CYP27A1: variants seen among roughly 807,000 people sequenced by gnomAD.
CYP27A1 encodes sterol 26-hydroxylase, mitochondrial.
CYP27A1 carries 46 observed loss-of-function variants against 58.2 expected under a neutral mutation model. That is an observed-to-expected ratio of 0.79 (90% CI 0.62 to 1.01). The LOEUF (loss-of-function observed/expected upper bound fraction) is 1.01, where lower values mean the gene tolerates loss of function less well. CYP27A1 is among the 50% of genes least tolerant of loss of function. The pLI, the probability that CYP27A1 is intolerant of heterozygous loss-of-function variation, is 0.00. For synonymous variants in CYP27A1, 274 were observed against 285.1 expected, an observed-to-expected ratio of 0.96 and a Z score of 0.39; for missense variants, 704 against 687.0, an observed-to-expected ratio of 1.02 and a Z score of -0.28.
intron 1 of CYP27A1, among the ~76,000 whole-genome samples, chr2:218,799,292 C>T (rs1943577316): frequency 6.6e-6 from 1 of 152,134 alleles, no homozygotes; most frequent in Non-Finnish European, 1.5e-5. Flanking sequence ...CTTATCAGAC[C>T]TTGCTGTGAT....
At position 218,812,321 on chromosome 2, in the gene CYP27A1, TG is replaced by T. The variant is rs1339553782; in HGVS notation, c.547del (p.Asp183MetfsTer4). On this transcript the variant is annotated frameshift_variant, in exon 3 of 9. Transcript: ENST00000258415. LOFTEE classifies it high-confidence loss of function. ...LYTDAFNEVI[D>X]DFMTRLDQLR... ...ATACGGATGCTTTCAATGAGGTGAT[TG>T]ATGACTTTATGACTCGACTGGACCA... 1 of 1,614,094 alleles carries T rather than the reference TG, an allele frequency of 6.2e-7. No homozygotes were observed. The highest frequency in any genetic ancestry group is 1.3e-5 in the African/African-American group (1 of 74,920).
At chr2:218,801,505 C>CAA (rs11412507) in intron 1 of CYP27A1, among the ~76,000 whole-genome samples, 5 of 150,652 alleles carry the variant, frequency 3.3e-5, no homozygotes, top group Admixed American at 1.3e-4. Flanking sequence ...GACTCCATCT[C>CAA]AAAAAAAACC....
intron 1 of CYP27A1, among the ~76,000 whole-genome samples, chr2:218,804,385 G>T (rs1008838778): frequency 2.0e-5 from 3 of 152,140 alleles, no homozygotes; most frequent in Admixed American, 6.6e-5. Context: ...ATTCTCAGTT[G>T]TATTCCATTG....
chr2:218,813,932 C>T lies in CYP27A1; in HGVS notation c.1018-89C>T, dbSNP rs902272972. 2.5e-5 allele frequency: 36 copies of T among 1,441,254 alleles called. No individual in the cohort carries two copies. The African/African-American group carries it at 4.8e-4, about 19-fold the overall frequency. 89.3% of individuals were successfully genotyped at this position (1,441,254 alleles called of 1,614,324 possible). ...GCTAGTGGCAAATTCATTTCTCCCA[C>T]ATTTTGCATACACCCACTCATACAC... On this transcript the variant is annotated intron_variant, in intron 5 of 8. Transcript: ENST00000258415.
chr2:218,791,131 C>A (rs1327009533), intron 1 of CYP27A1, among the ~76,000 whole-genome samples: 1 of 152,168 alleles, frequency 6.6e-6, no homozygotes, highest in Non-Finnish European at 1.5e-5. Flanking sequence ...CCACTGTACC[C>A]AGCTGAGGGA....
At chr2:218,793,093 TG>T (rs1943511713) in intron 1 of CYP27A1, among the ~76,000 whole-genome samples, 1 of 152,238 alleles carries the variant, frequency 6.6e-6, no homozygotes, top group African/African-American at 2.4e-5. Flanking sequence ...GTTTGTTTTT[TG>T]AGACAAAGTC....
chr2:218,782,369 C>A lies in CYP27A1; in HGVS notation c.187C>A (p.Leu63Ile), dbSNP rs768798214. Reference protein sequence around the residue: ...RQRSLEEIPRLGQLRFFFQLF... With the variant: ...RQRSLEEIPRIGQLRFFFQLF... ...ACGGAGCTTAGAGGAGATTCCACGT[C>A]TAGGACAGCTGCGCTTCTTCTTTCA... is the stretch of plus-strand genomic sequence containing the variant. The change falls in exon 1 of 9, where the codon CTA (leucine) becomes ATA (isoleucine). Residue 63 changes from leucine to isoleucine, a missense_variant. By Grantham distance (5) the Leu-to-Ile change is conservative. Transcript: ENST00000258415. The surrounding 1 kb of genome is among the most constrained non-coding windows in gnomAD (Gnocchi z 4.1). The A allele has an allele frequency of 6.2e-7, 1 of 1,614,212 alleles. No homozygotes were observed. Among genetic ancestry groups the A allele is most frequent in the South Asian group, 1.1e-5 (1 of 91,086 alleles).
chr2:218,798,808 G>A (rs182088469), intron 1 of CYP27A1, among the ~76,000 whole-genome samples: 145 of 152,264 alleles, frequency 9.5e-4, no homozygotes, highest in Non-Finnish European at 1.4e-3. Context: ...GCTTGAACCC[G>A]GGAGGCGGAA....
In CYP27A1 at chr2:218,798,645, G is replaced by A. The variant is rs193016577; in HGVS notation, c.256-10932G>A. On this transcript the variant is annotated intron_variant, in intron 1 of 8. Transcript: ENST00000258415. The stretch of plus-strand genomic sequence containing the variant: ...TGCCTGTAATCCCAGCACTTTGGGA[G>A]GCTGAGGCGGATGGATCACTTGAGT... Among the ~76,000 whole-genome samples, 4 of 152,322 alleles carry A rather than the reference G, an allele frequency of 2.6e-5. No individual in the cohort carries two copies. The East Asian group carries it at 7.7e-4, about 29-fold the overall frequency.
intron 1 of CYP27A1, among the ~76,000 whole-genome samples, chr2:218,800,384 G>C (rs1033625768): frequency 2.0e-5 from 3 of 152,062 alleles, no homozygotes; most frequent in Non-Finnish European, 4.4e-5. Context: ...GACACTCCAA[G>C]TCAGCCAGTG....
rs1370017696 is a variant in CYP27A1, at chr2:218,782,409, G to C, written c.227G>C (p.Gly76Ala). ...TTCTTCTTTCAGCTGTTCGTTCAAG[G>C]CTATGCCCTGCAACTGCACCAGTTA... is the stretch of plus-strand genomic sequence containing the variant. The part of the protein sequence containing the change: ...LRFFFQLFVQ[G>A]YALQLHQLQV... The change falls in exon 1 of 9, where the codon GGC becomes GCC. Residue 76 changes from glycine to alanine, a missense_variant. Gly to Ala is a moderately conservative substitution (Grantham distance 60). Coordinates refer to ENST00000258415, the MANE Select transcript of CYP27A1 (RefSeq NM_000784.4). The surrounding 1 kb of genome is among the most constrained non-coding windows in gnomAD (Gnocchi z 4.1). 2.3e-5 allele frequency: 37 copies of C among 1,614,130 alleles called. No individual in the cohort carries two copies. The highest frequency in any genetic ancestry group is 3.1e-5 in the Non-Finnish European group (37 of 1,180,048).
intron 1 of CYP27A1, among the ~76,000 whole-genome samples, chr2:218,797,184 C>T (rs1054567741): frequency 6.6e-6 from 1 of 152,196 alleles, no homozygotes; most frequent in African/African-American, 2.4e-5. Context: ...CAATCTCCCT[C>T]TGCCTCCCAG....
At position 218,812,996 on chromosome 2, in the gene CYP27A1, AG is replaced by A. The variant is rs1559392843; in HGVS notation, c.919del (p.Val307CysfsTer38). 8 of 1,614,232 alleles carry A rather than the reference AG, an allele frequency of 5.0e-6. No individual in the cohort carries two copies. Among genetic ancestry groups the A allele is most frequent in the Non-Finnish European group, 6.8e-6 (8 of 1,180,024 alleles). The part of the protein sequence containing the change: ...QLQAAGPDGI[Q>X]VSGYLHFLLA... Reference sequence around the variant, plus strand: ...CAGGCAGCAGGGCCAGATGGCATCCAGGTGTCTGGCTACCTGCACTTCTTAC... The same window carrying A: ...CAGGCAGCAGGGCCAGATGGCATCCAGTGTCTGGCTACCTGCACTTCTTAC... On this transcript the variant is annotated frameshift_variant, in exon 5 of 9. Coordinates refer to ENST00000258415, the MANE Select transcript of CYP27A1 (RefSeq NM_000784.4). LOFTEE classifies it high-confidence loss of function.
Position 218,814,013 on chromosome 2 carries a change from T to A in CYP27A1, c.1018-8T>A, listed in dbSNP as rs1943753198. 1 of 1,614,022 alleles carries A rather than the reference T, an allele frequency of 6.2e-7. No individual in the cohort carries two copies. Among genetic ancestry groups the A allele is most frequent in the African/African-American group, 1.3e-5 (1 of 74,912 alleles). Reference sequence around the variant, plus strand: ...CGCCCTCACCTGATCTCCCACTCTATCTTCTAGACATCCAACACGCTGACA... The same window carrying A: ...CGCCCTCACCTGATCTCCCACTCTAACTTCTAGACATCCAACACGCTGACA... On this transcript the variant is annotated splice_region_variant and splice_polypyrimidine_tract_variant and intron_variant, in intron 5 of 8. Coordinates refer to ENST00000258415, the MANE Select transcript of CYP27A1 (RefSeq NM_000784.4).
At chr2:218,803,000 A>G (rs1406410992) in intron 1 of CYP27A1, among the ~76,000 whole-genome samples, 3 of 152,202 alleles carry the variant, frequency 2.0e-5, no homozygotes, top group African/African-American at 7.2e-5. Context: ...GCTGGAGTGC[A>G]GTGGTTTGAT....
chr2:218,810,244 ACTCCAGCC>A (rs1943698521), intron 2 of CYP27A1, among the ~76,000 whole-genome samples: 1 of 151,620 alleles, frequency 6.6e-6, no homozygotes, highest in African/African-American at 2.4e-5. Flanking sequence ...ATGCCACTGC[ACTCCAGCC>A]TGGGCAACAG....
At chr2:218,808,713 G>A (rs917387943) in intron 1 of CYP27A1, among the ~76,000 whole-genome samples, 4 of 152,066 alleles carry the variant, frequency 2.6e-5, no homozygotes, top group Non-Finnish European at 4.4e-5. Flanking sequence ...CAGTTTGTAG[G>A]TGTAACTTAC....
chr2:218,784,657 T>C (rs1943425729), intron 1 of CYP27A1, among the ~76,000 whole-genome samples: 1 of 152,246 alleles, frequency 6.6e-6, no homozygotes, highest in South Asian at 2.1e-4. Context: ...GAAAATGTTA[T>C]AACCCTATGA....
intron 1 of CYP27A1, among the ~76,000 whole-genome samples, chr2:218,789,416 G>T (rs1285613338): frequency 2.0e-5 from 3 of 152,230 alleles, no homozygotes; most frequent in Non-Finnish European, 1.5e-5. Flanking sequence ...AGAGACTCCA[G>T]TGCAGCCATG....
Sources: gnomAD v4.1 joint callset for allele counts (sites outside exome capture counted in the v4.1 genomes callset) on GRCh38, gnomAD v4.1.1 for gene constraint, Gnocchi (gnomAD v3.1) non-coding constraint, MANE v1.5 for transcripts, NCBI Gene and HGNC (gene_info 2026-07-23, HGNC 2026-07-21) for gene names.